CAPN14: variants seen among roughly 807,000 people sequenced by gnomAD.
The protein encoded by CAPN14 is calpain 14.
CAPN14 carries 94 observed loss-of-function variants against 101.3 expected under a neutral mutation model. That is an observed-to-expected ratio of 0.93 (90% CI 0.79 to 1.10). The LOEUF (loss-of-function observed/expected upper bound fraction) is 1.10, where lower values mean the gene tolerates loss of function less well. CAPN14 is among the 50% of genes least tolerant of loss of function. CAPN14 has a pLI of 0.00. For missense variants in CAPN14, 837 were observed against 828.4 expected, an observed-to-expected ratio of 1.01 and a Z score of -0.13; for synonymous variants, 338 against 317.9, an observed-to-expected ratio of 1.06 and a Z score of -0.67.
intron 16 of CAPN14, 117 bp from the exon 17 acceptor site, chr2:31,181,117 G>T: frequency 1.3e-6 from 1 of 760,142 alleles, no homozygotes; most frequent in Non-Finnish European, 2.2e-6. Flanking sequence ...TATGTACGTG[G>T]GCTGGGAAGA....
intron 15 of CAPN14, among the ~76,000 whole-genome samples, 173 bp downstream of exon 15, chr2:31,187,585 A>T (rs1315902724): frequency 6.6e-6 from 1 of 152,206 alleles, no homozygotes; most frequent in Admixed American, 6.5e-5. Flanking sequence ...GGCTCCACTC[A>T]TTTGTCTAAA....
chr2:31,192,052 G>A lies in CAPN14; in HGVS notation c.1161C>T (p.Pro387=), dbSNP rs778726605. The A allele has an allele frequency of 1.2e-4, 179 of 1,551,208 alleles. No homozygotes were observed. The highest frequency in any genetic ancestry group is 3.3e-4 in the Middle Eastern group (2 of 6,014). Reference sequence around the variant, plus strand: ...GCCTCAGGGATCTCCTGCCCTCCTCGGGCCTCCAGACAGACAGCAGGAACT... The same window carrying A: ...GCCTCAGGGATCTCCTGCCCTCCTCAGGCCTCCAGACAGACAGCAGGAACT... The part of the protein sequence containing the change: ...NPQFLLSVWR[P]EEGRRSLRPC... Residue 387 remains proline (P), a synonymous_variant, in exon 11 of 22, where the codon CCC becomes CCT. Transcript: ENST00000403897.
At chr2:31,181,070 G>A in intron 16 of CAPN14, 70 bp from the exon 17 acceptor site, 2 of 1,318,142 alleles carry the variant, frequency 1.5e-6, no homozygotes, top group Non-Finnish European at 2.1e-6. Flanking sequence ...TGAGCAGGAA[G>A]AGGCAGTGCT....
chr2:31,228,046 G>T (rs1352221337), intron 1 of CAPN14, among the ~76,000 whole-genome samples: 2 of 152,210 alleles, frequency 1.3e-5, no homozygotes, highest in Non-Finnish European at 2.9e-5. Flanking sequence ...GGTGTGCAAA[G>T]GAGCCCGCGT....
rs1008758858 is a variant in CAPN14 at position 31,175,313 on chromosome 2, C to T, written c.2029-606G>A. Among the ~76,000 whole-genome samples the T allele has an allele frequency of 2.6e-5, 4 of 152,208 alleles. 1 individual carries two copies. The highest frequency in any genetic ancestry group is 9.6e-5 in the African/African-American group (4 of 41,454). On this transcript the variant is annotated intron_variant, in intron 21 of 21. Coordinates refer to ENST00000403897, the MANE Select transcript of CAPN14 (RefSeq NM_001145122.2). ...TCAGAGCTGGAGGCAATCTCAGAGA[C>T]CATCTAGTTCCACTCATTTCACCTG...
rs1473041492 is a variant in CAPN14 at position 31,230,027 on chromosome 2, T to C, written c.-176-3376A>G. Among the ~76,000 whole-genome samples, 2 of 152,224 alleles carry C rather than the reference T, an allele frequency of 1.3e-5. No individual in the cohort carries two copies. Among genetic ancestry groups the C allele is most frequent in the Non-Finnish European group, 2.9e-5 (2 of 68,050 alleles). On this transcript the variant is annotated intron_variant and NMD_transcript_variant, in intron 1 of 21. Coordinates refer to the CAPN14 transcript ENST00000398824. This position sits in a 1 kb window ranked among gnomAD's most constrained non-coding sequence, Gnocchi z 4.3. ...ATTTTTCTCATCTGTAGAGTATGTATTTTTTGTAACTTTCATTTTAGGTTC... is the reference window on the plus strand; with the variant it reads ...ATTTTTCTCATCTGTAGAGTATGTACTTTTTGTAACTTTCATTTTAGGTTC...
rs1396961283 is a variant in CAPN14, at chr2:31,230,656, C to T, written c.-177+3135G>A. On this transcript the variant is annotated intron_variant and NMD_transcript_variant, in intron 1 of 21. Transcript: ENST00000398824. The surrounding 1 kb of genome is among the most constrained non-coding windows in gnomAD (Gnocchi z 4.3). ...CATTCATGTAGCCTCTTGTAAAAGA[C>T]ATTTTTGTAGCTCTTGCCAAGTTTT... 2.6e-5 allele frequency among the ~76,000 whole-genome samples: 4 copies of T among 152,166 alleles called. No homozygotes were observed. Among genetic ancestry groups the T allele is most frequent in the African/African-American group, 9.7e-5 (4 of 41,434 alleles).
upstream of CAPN14, among the ~76,000 whole-genome samples, chr2:31,219,822 C>T (rs1195725567): frequency 6.6e-6 from 1 of 152,212 alleles, no homozygotes; most frequent in African/African-American, 2.4e-5. Flanking sequence ...CATCTCTCTA[C>T]TTTCTGTTAC....
chr2:31,232,819 C>T (rs960878529), intron 1 of CAPN14, among the ~76,000 whole-genome samples: 1 of 152,194 alleles, frequency 6.6e-6, no homozygotes, highest in African/African-American at 2.4e-5. Flanking sequence ...CCCCCAACCT[C>T]TTTTGCCCCT....
In CAPN14 at chr2:31,174,283, G is replaced by A. The variant is rs1214256843; in HGVS notation, c.*398C>T. On this transcript the variant is annotated 3_prime_UTR_variant, in exon 22 of 22. Transcript: ENST00000403897. ...CCATTTCAGACCTTAAAACCTAGATGATTACCCCACCATGTGAGAACATGT... is the reference window on the plus strand; with the variant it reads ...CCATTTCAGACCTTAAAACCTAGATAATTACCCCACCATGTGAGAACATGT... 3 of 282,512 alleles carry A rather than the reference G, an allele frequency of 1.1e-5. No individual in the cohort carries two copies. In the East Asian group the frequency reaches 2.7e-4, roughly 25 times the overall value. 17.5% of individuals were successfully genotyped at this position (282,512 alleles called of 1,614,324 possible). A position where few individuals can be genotyped will look rare whatever the true frequency, so the allele number is the denominator to read the frequency against.
intron 2 of CAPN14, among the ~76,000 whole-genome samples, chr2:31,222,886 T>C (rs923130382): frequency 6.6e-6 from 1 of 152,134 alleles, no homozygotes; most frequent in Admixed American, 6.5e-5. Context: ...ACTTAGATCA[T>C]GAGGGTGGAG....
chr2:31,231,535 T>C (rs1289461921), intron 1 of CAPN14, among the ~76,000 whole-genome samples: 3 of 152,236 alleles, frequency 2.0e-5, no homozygotes, highest in African/African-American at 7.2e-5. Flanking sequence ...CTTTTATTGC[T>C]AGTCTATAGA....
chr2:31,192,167 A>C, intron 10 of CAPN14, 69 bp from the exon 11 acceptor site: 1 of 1,452,286 alleles, frequency 6.9e-7, no homozygotes, highest in South Asian at 1.4e-5. Flanking sequence ...CGAACCACTA[A>C]GAGGTGAACA....
rs114282045 is a variant in CAPN14, at chr2:31,192,990, G to T, written c.1114+141C>A. On this transcript the variant is annotated intron_variant, in intron 10 of 21. Transcript: ENST00000403897. ...ATCTTCCCTGTGGTTATAGCCCAGGGCCCCAACACACAGTGAGGCAAGCAG... is the reference window on the plus strand; with the variant it reads ...ATCTTCCCTGTGGTTATAGCCCAGGTCCCCAACACACAGTGAGGCAAGCAG... 2.4e-3 allele frequency: 1,932 copies of T among 812,834 alleles called. 30 individuals carry two copies. The African/African-American group carries it at 0.03, about 12-fold the overall frequency. 50.4% of individuals were successfully genotyped at this position (812,834 alleles called of 1,614,324 possible).
chr2:31,176,054 C>A (rs13389667), intron 21 of CAPN14, among the ~76,000 whole-genome samples: 51,303 of 152,126 alleles, frequency 0.34, 10,200 homozygotes, highest in African/African-American at 0.55. Flanking sequence ...ATGGGCTTGG[C>A]CATTTGACTT....
At chr2:31,215,171 C>T (rs1682586541) in intron 1 of CAPN14, among the ~76,000 whole-genome samples, 1 of 152,180 alleles carries the variant, frequency 6.6e-6, no homozygotes, top group Admixed American at 6.5e-5. Flanking sequence ...TTTAAAGAGC[C>T]AATCCTTCTG....
At chr2:31,209,155 TC>T (rs1682262972) in intron 1 of CAPN14, among the ~76,000 whole-genome samples, 1 of 150,212 alleles carries the variant, frequency 6.7e-6, no homozygotes, top group African/African-American at 2.5e-5. Context: ...TTTTTTTTTT[TC>T]TGGAGAGATG....
intron 1 of CAPN14, among the ~76,000 whole-genome samples, chr2:31,206,401 C>T (rs898833586): frequency 6.6e-6 from 1 of 152,148 alleles, no homozygotes; most frequent in African/African-American, 2.4e-5. Flanking sequence ...TACAGACGCC[C>T]GCCACCACAC....
chr2:31,232,558 G>A (rs1191336733), intron 1 of CAPN14, among the ~76,000 whole-genome samples: 1 of 152,204 alleles, frequency 6.6e-6, no homozygotes, highest in Non-Finnish European at 1.5e-5. Flanking sequence ...TACAGTCATG[G>A]CATAAAGGGA....
Sources: allele counts gnomAD v4.1 joint callset (sites outside exome capture counted in the v4.1 genomes callset), GRCh38; gene constraint gnomAD v4.1.1; non-coding constraint Gnocchi (gnomAD v3.1); transcripts MANE v1.5; gene names NCBI Gene and HGNC (gene_info 2026-07-23, HGNC 2026-07-21).